The following ADK variants were observed in gnomAD, a reference collection of about 807,000 sequenced individuals.
ADK encodes the protein adenosine kinase.
Under a neutral mutation model 44.7 loss-of-function variants are expected in ADK, and 24 were observed. The ratio of observed to expected loss-of-function variants is 0.54; its 90% CI spans 0.39 to 0.76. ADK has a LOEUF of 0.76. ADK is among the 30% of genes least tolerant of loss of function. The probability of loss-of-function intolerance (pLI) is 0.00; values close to 1 mark genes in which losing one functional copy is unlikely to be tolerated. For synonymous variants in ADK, 128 were observed against 142.6 expected (o/e 0.90, Z 0.73); for missense variants, 321 against 425.1 (o/e 0.76, Z 2.15).
chr10:74,585,478 C>T (rs899241746), intron 7 of ADK, among the ~76,000 whole-genome samples: 2 of 152,124 alleles, frequency 1.3e-5, no homozygotes, highest in Non-Finnish European at 2.9e-5. Context: ...GGAAAAAAAG[C>T]GTTAATGTGA....
intron 1 of ADK, among the ~76,000 whole-genome samples, chr10:74,186,233 TTCCCTTCCCCTTCCGC>T (rs1246784140): frequency 8.5e-6 from 1 of 117,840 alleles, no homozygotes. Context: ...TTCCCCTCCT[TTCCCTTCCCCTTCCGC>T]CTTTCCCCTT....
chr10:74,562,432 A>G (rs1398920015), intron 7 of ADK, among the ~76,000 whole-genome samples: 8 of 152,162 alleles, frequency 5.3e-5, no homozygotes, highest in Admixed American at 5.2e-4. Context: ...TGATTTGGGG[A>G]TGGATTCAAG....
intron 2 of ADK, among the ~76,000 whole-genome samples, chr10:74,208,411 C>T (rs892559317): frequency 5.3e-5 from 8 of 152,244 alleles, no homozygotes; most frequent in African/African-American, 7.2e-5. Flanking sequence ...CCATCAATGA[C>T]GCTGCTGGGA....
chr10:74,250,115 A>T (rs1029124477), intron 3 of ADK, among the ~76,000 whole-genome samples: 1 of 152,208 alleles, frequency 6.6e-6, no homozygotes, highest in African/African-American at 2.4e-5. Context: ...GATGAGTAAG[A>T]TACAACCTGG....
At chr10:74,451,067 C>CTTTTTTTTTTTTTTTTTTT (rs35120068) in intron 6 of ADK, among the ~76,000 whole-genome samples, 11 of 72,180 alleles carry the variant, frequency 1.5e-4, no homozygotes, top group East Asian at 4.1e-4. Flanking sequence ...GCTCTGCTGC[C>CTTTTTTTTTTTTTTTTTTT]TTTTTTTTTT....
intron 7 of ADK, among the ~76,000 whole-genome samples, chr10:74,553,265 A>G (rs368621319): frequency 2.3e-4 from 29 of 128,654 alleles, no homozygotes; most frequent in African/African-American, 2.2e-4. Flanking sequence ...CAGTGGTGCA[A>G]TCTCTGCTCA....
chr10:74,462,418 A>G (rs1846202477), intron 6 of ADK, among the ~76,000 whole-genome samples: 1 of 152,168 alleles, frequency 6.6e-6, no homozygotes, highest in South Asian at 2.1e-4. Flanking sequence ...GAAAAAAAGT[A>G]TAGAAAGTAT....
intron 1 of ADK, among the ~76,000 whole-genome samples, chr10:74,193,652 G>C (rs1218528532): frequency 6.6e-6 from 1 of 152,016 alleles, no homozygotes; most frequent in African/African-American, 2.4e-5. Context: ...GGGTATGGTG[G>C]CTATAGTCCC....
intron 4 of ADK, among the ~76,000 whole-genome samples, chr10:74,339,147 A>G (rs558904308): frequency 9.2e-5 from 14 of 151,844 alleles, no homozygotes; most frequent in Non-Finnish European, 1.9e-4. Flanking sequence ...TTTTGTAGAG[A>G]TGGGGGTCTC....
chr10:74,271,570 A>C (rs1162203310), intron 3 of ADK, among the ~76,000 whole-genome samples: 8 of 16,054 alleles, frequency 5.0e-4, no homozygotes, highest in Middle Eastern at 0.038. Flanking sequence ...CCCTCCCCCC[A>C]CCCCACAACA....
chr10:74,196,450 G>A (rs1414188838), intron 1 of ADK, among the ~76,000 whole-genome samples: 1 of 152,158 alleles, frequency 6.6e-6, no homozygotes, highest in African/African-American at 2.4e-5. Context: ...TGAGGCAGGA[G>A]AATCGCTTGA....
intron 6 of ADK, among the ~76,000 whole-genome samples, chr10:74,524,520 G>A (rs1848964232): frequency 6.6e-6 from 1 of 152,126 alleles, no homozygotes; most frequent in Non-Finnish European, 1.5e-5. Flanking sequence ...AGTCTCATGA[G>A]TAGCTGGGAC....
chr10:74,551,759 G>A (rs944451341), intron 7 of ADK, among the ~76,000 whole-genome samples: 3 of 152,056 alleles, frequency 2.0e-5, no homozygotes, highest in African/African-American at 7.2e-5. Flanking sequence ...CATTTACTTA[G>A]TAAATGTACA....
chr10:74,274,937 T>C (rs1277810408), intron 3 of ADK, among the ~76,000 whole-genome samples: 4 of 151,354 alleles, frequency 2.6e-5, no homozygotes, highest in Non-Finnish European at 5.9e-5. Context: ...CTGAGTGCAG[T>C]ACAGAAGCTT....
chr10:74,572,964 C>T (rs372471939), intron 7 of ADK, among the ~76,000 whole-genome samples: 39 of 146,972 alleles, frequency 2.7e-4, no homozygotes, highest in African/African-American at 5.9e-4. Flanking sequence ...TCCTGTAGCT[C>T]GGAGTAGTTT....
intron 3 of ADK, among the ~76,000 whole-genome samples, chr10:74,276,314 C>G (rs1846677598): frequency 6.6e-6 from 1 of 152,116 alleles, no homozygotes; most frequent in Admixed American, 6.6e-5. Flanking sequence ...GGTTGCAAAC[C>G]CATATTCCCA....
At chr10:74,564,473 CCTAGAATTTTCTTT>C (rs1231536347) in intron 7 of ADK, among the ~76,000 whole-genome samples, 1 of 152,104 alleles carries the variant, frequency 6.6e-6, no homozygotes, top group Non-Finnish European at 1.5e-5. Context: ...TGTTTTTCTT[CCTAGAATTTTCTTT>C]CAAGGTCCAA....
intron 3 of ADK, among the ~76,000 whole-genome samples, chr10:74,229,048 G>A (rs1400983499): frequency 6.6e-6 from 1 of 152,140 alleles, no homozygotes; most frequent in East Asian, 1.9e-4. Context: ...TTCTGATAGT[G>A]AATGAATTCC....
chr10:74,623,286 C>T (rs1853065048), intron 9 of ADK, among the ~76,000 whole-genome samples: 1 of 152,112 alleles, frequency 6.6e-6, no homozygotes, highest in Non-Finnish European at 1.5e-5. Context: ...TTATTAATTG[C>T]CTCAAGATTA....
Sources: gnomAD v4.1 joint callset for allele counts (sites outside exome capture counted in the v4.1 genomes callset) on GRCh38, gnomAD v4.1.1 for gene constraint, MANE v1.5 for transcripts, NCBI Gene and HGNC (gene_info 2026-07-23, HGNC 2026-07-21) for gene names.